Variants in SLC35D1 observed in about 807,000 individuals in gnomAD.
The protein encoded by SLC35D1 is solute carrier family 35 member D1.
Under a neutral mutation model 46.7 loss-of-function variants are expected in SLC35D1, and 31 were observed. The ratio of observed to expected loss-of-function variants is 0.66; its 90% CI spans 0.50 to 0.90. The LOEUF is 0.90. Ranked by LOEUF, SLC35D1 falls within the 40% of genes least tolerant of loss-of-function variation. The probability of loss-of-function intolerance (pLI) is 0.00; values close to 1 mark genes in which losing one functional copy is unlikely to be tolerated. For missense variants in SLC35D1, 397 were observed against 426.2 expected (o/e 0.93, Z 0.60); for synonymous variants, 195 against 164.6 (o/e 1.18, Z -1.41).
At chr1:67,050,811 T>TC (rs1645301355) in intron 4 of SLC35D1, among the ~76,000 whole-genome samples, 2 of 152,184 alleles carry the variant, frequency 1.3e-5, no homozygotes, top group African/African-American at 4.8e-5. Flanking sequence ...TCTCATTTTT[T>TC]CACTAGTCTG....
At chr1:67,032,509 T>C (rs528808681) in intron 8 of SLC35D1, among the ~76,000 whole-genome samples, 5 of 152,042 alleles carry the variant, frequency 3.3e-5, no homozygotes, top group African/African-American at 1.2e-4. Context: ...GGAGAAACCC[T>C]ATCTCTACGA....
At chr1:67,018,767 G>A (rs1667736450) in intron 10 of SLC35D1, among the ~76,000 whole-genome samples, 1 of 152,186 alleles carries the variant, frequency 6.6e-6, no homozygotes, top group South Asian at 2.1e-4. Context: ...GCCTCTTGTA[G>A]GAGGAATGGC....
chr1:67,043,135 A>G (rs1645212562), intron 7 of SLC35D1, among the ~76,000 whole-genome samples: 1 of 151,782 alleles, frequency 6.6e-6, no homozygotes, highest in Non-Finnish European at 1.5e-5. Flanking sequence ...GTGGAGATGC[A>G]GTGAGCCAAG....
chr1:67,035,364 T>A (rs1050364126), intron 8 of SLC35D1, among the ~76,000 whole-genome samples: 1 of 152,182 alleles, frequency 6.6e-6, no homozygotes, highest in African/African-American at 2.4e-5. Context: ...ACAGCTTTGA[T>A]CTCATTCCTT....
chr1:66,993,524 T>C, the SLC35D1 span, among the ~76,000 whole-genome samples: 3 of 152,180 alleles, frequency 2.0e-5, no homozygotes, highest in African/African-American at 7.2e-5. Context: ...TGATATAAAA[T>C]AATATGTACT....
the SLC35D1 span, among the ~76,000 whole-genome samples, chr1:66,975,628 A>C: frequency 6.6e-6 from 1 of 152,176 alleles, no homozygotes; most frequent in African/African-American, 2.4e-5. Flanking sequence ...CCCTACCACC[A>C]GTTCTCCCGG....
chr1:67,033,321 T>A (rs943504165), intron 8 of SLC35D1, among the ~76,000 whole-genome samples: 35 of 152,322 alleles, frequency 2.3e-4, no homozygotes, highest in African/African-American at 8.4e-4. Flanking sequence ...TCCATAGTGC[T>A]TATACTAATT....
At chr1:66,975,780 T>C in the SLC35D1 span, among the ~76,000 whole-genome samples, 1 of 152,142 alleles carries the variant, frequency 6.6e-6, no homozygotes, top group African/African-American at 2.4e-5. Context: ...ATTAGCATTA[T>C]TATGATACTT....
chr1:66,981,498 G>C, the SLC35D1 span, among the ~76,000 whole-genome samples: 1 of 151,952 alleles, frequency 6.6e-6, no homozygotes, highest in Non-Finnish European at 1.5e-5. Context: ...GTTCTAGTTG[G>C]GCCACTCTGA....
chr1:67,038,854 A>ACACACACAC (rs1558162811), intron 8 of SLC35D1, among the ~76,000 whole-genome samples: 5 of 128,034 alleles, frequency 3.9e-5, no homozygotes, highest in African/African-American at 1.8e-4. Context: ...CACACACACA[A>ACACACACAC]ACACACACAC....
chr1:67,018,058 G>C (rs1464042358), intron 10 of SLC35D1, among the ~76,000 whole-genome samples: 1 of 152,052 alleles, frequency 6.6e-6, no homozygotes, highest in African/African-American at 2.4e-5. Flanking sequence ...AGGCCTATGA[G>C]ACACAAAGTA....
intron 7 of SLC35D1, 26 bp downstream of exon 7, chr1:67,047,239 T>C (rs760575600): frequency 1.4e-5 from 22 of 1,565,656 alleles, no homozygotes; most frequent in Non-Finnish European, 1.8e-5. Context: ...AGTACACAAC[T>C]GTTAAAGCTT....
At chr1:66,990,658 AATG>A in the SLC35D1 span, among the ~76,000 whole-genome samples, 2 of 152,104 alleles carry the variant, frequency 1.3e-5, no homozygotes, top group African/African-American at 2.4e-5. Context: ...CTTTGAAAAC[AATG>A]ATACCAGTTT....
chr1:67,035,132 T>TTG (rs113505067), intron 8 of SLC35D1, among the ~76,000 whole-genome samples: 9 of 151,804 alleles, frequency 5.9e-5, no homozygotes, highest in African/African-American at 1.5e-4. Flanking sequence ...CAGTTCTGTG[T>TTG]TGTGTGTGTG....
chr1:67,037,304 A>G (rs940251654), intron 8 of SLC35D1, among the ~76,000 whole-genome samples: 3 of 150,350 alleles, frequency 2.0e-5, no homozygotes, highest in Non-Finnish European at 4.4e-5. Context: ...AAAATTTTTA[A>G]TTTTAAAAAT....
chr1:66,978,952 C>G, the SLC35D1 span, among the ~76,000 whole-genome samples: 5 of 152,132 alleles, frequency 3.3e-5, no homozygotes, highest in Admixed American at 6.5e-5. Context: ...GTTAAATATT[C>G]TTTAGGTAGA....
chr1:66,989,813 CTTCCA>C, the SLC35D1 span, among the ~76,000 whole-genome samples: 1 of 152,188 alleles, frequency 6.6e-6, no homozygotes, highest in Non-Finnish European at 1.5e-5. Context: ...GGGGTGGTTT[CTTCCA>C]GAAACAAGAT....
intron 8 of SLC35D1, among the ~76,000 whole-genome samples, chr1:67,040,969 C>G (rs1411506055): frequency 6.6e-6 from 1 of 152,152 alleles, no homozygotes; most frequent in Admixed American, 6.6e-5. Flanking sequence ...TGGAGTCAGG[C>G]TTGGGTTTAA....
chr1:67,043,908 A>AG (rs1487637113), intron 7 of SLC35D1, among the ~76,000 whole-genome samples: 1 of 152,192 alleles, frequency 6.6e-6, no homozygotes, highest in Non-Finnish European at 1.5e-5. Flanking sequence ...GGGGACAGTG[A>AG]GGGAGTGGTA....
Sources: gnomAD v4.1 joint callset for allele counts (sites outside exome capture counted in the v4.1 genomes callset) on GRCh38, gnomAD v4.1.1 for gene constraint, MANE v1.5 for transcripts, NCBI Gene and HGNC (gene_info 2026-07-23, HGNC 2026-07-21) for gene names.